The following EMP1 variants were observed in gnomAD, a reference collection of about 807,000 sequenced individuals.
EMP1 encodes tumor-associated membrane protein.
A neutral mutation model predicts 15.7 loss-of-function variants in EMP1; 5 were observed. The ratio of observed to expected loss-of-function variants is 0.32; its 90% confidence interval spans 0.17 to 0.67. EMP1 has a LOEUF of 0.67. Among genes scored for constraint, EMP1 ranks in the 30% least tolerant of loss-of-function variants. The pLI, the probability that EMP1 is intolerant of heterozygous loss-of-function variation, is 0.74. For synonymous variants in EMP1, 78 were observed against 76.7 expected (o/e 1.02, Z -0.09); for missense variants, 166 against 194.2 (o/e 0.85, Z 0.86).
Position 13,216,127 on chromosome 12 carries a change from A to C in EMP1, c.*1436A>C. On this transcript the variant is annotated 3_prime_UTR_variant, in exon 5 of 5. Transcript: ENST00000256951. ...AGCAGGCATTGCTTTGCCCTGGAGC[A>C]GCTATTTTAAGCCATCTCAGATTCT... 2.3e-6 allele frequency: 1 copy of C among 425,954 alleles called. No individual in the cohort carries two copies. Among genetic ancestry groups the C allele is most frequent in the Non-Finnish European group, 4.2e-6 (1 of 236,948 alleles). 26.4% of individuals were successfully genotyped at this position (425,954 alleles called of 1,614,324 possible). A position where few individuals can be genotyped will look rare whatever the true frequency, so the allele number is the denominator to read the frequency against.
intron 4 of EMP1, 109 bp downstream of exon 4, chr12:13,213,930 G>A (rs1864190233): frequency 1.3e-6 from 2 of 1,483,138 alleles, no homozygotes; most frequent in East Asian, 2.3e-5. Context: ...ACTTCCTTGT[G>A]CAATTTTCTC....
chr12:13,213,913 C>A, intron 4 of EMP1, 92 bp downstream of exon 4: 1 of 1,548,636 alleles, frequency 6.5e-7, no homozygotes, highest in Non-Finnish European at 8.8e-7. Context: ...GCACATGGTT[C>A]AGTGAAACTT....
rs890319231 is a variant in EMP1, at chr12:13,219,229, G to A, written c.*4538G>A. 2.6e-5 allele frequency: 4 copies of A among 152,210 alleles called. No individual in the cohort carries two copies. Among genetic ancestry groups the A allele is most frequent in the Non-Finnish European group, 4.4e-5 (3 of 68,054 alleles). The allele number at this position is 152,210 out of a possible 1,614,324, so 9.4% of individuals were successfully genotyped here. A position where few individuals can be genotyped will look rare whatever the true frequency, so the allele number is the denominator to read the frequency against. ...CGGGGCAGGGAGGGCCAGAACACTA[G>A]CATAAGATGTCAATATGTCTATCCA... On this transcript the variant is annotated 3_prime_UTR_variant, in exon 5 of 5. Coordinates refer to ENST00000256951, the MANE Select transcript of EMP1 (RefSeq NM_001423.3).
Position 13,219,085 on chromosome 12 carries a change from A to G in EMP1, c.*4394A>G, listed in dbSNP as rs1047565. 0.48 allele frequency: 72,298 copies of G among 152,102 alleles called. 17,726 individuals carry two copies. Among genetic ancestry groups the G allele is most frequent in the East Asian group, 0.6 (3,077 of 5,168 alleles). 9.4% of individuals were successfully genotyped at this position (152,102 alleles called of 1,614,324 possible). On this transcript the variant is annotated 3_prime_UTR_variant, in exon 5 of 5. Coordinates refer to ENST00000256951, the MANE Select transcript of EMP1 (RefSeq NM_001423.3). ...TTGTTCCAGGGCCTCCTTGTCTTCC[A>G]TCTGGGGAACTGGAGGTGAGAAGCA...
chr12:13,202,249 T>C (rs974261118), intron 1 of EMP1, among the ~76,000 whole-genome samples: 1 of 152,218 alleles, frequency 6.6e-6, no homozygotes, highest in African/African-American at 2.4e-5. Flanking sequence ...TGAAGAATCT[T>C]TTGTCGCATT....
chr12:13,207,090 G>A (rs941020817), intron 1 of EMP1, among the ~76,000 whole-genome samples: 1 of 152,010 alleles, frequency 6.6e-6, no homozygotes, highest in Admixed American at 6.6e-5. Flanking sequence ...CTATAGTCAC[G>A]AGCAATTTTA....
intron 2 of EMP1, among the ~76,000 whole-genome samples, chr12:13,213,125 T>C (rs747854133): frequency 2.0e-5 from 3 of 152,246 alleles, no homozygotes; most frequent in Admixed American, 6.5e-5. Context: ...GAACTGCACA[T>C]ACCTAAGCCA....
chr12:13,197,112 T>C (rs1864021693), intron 1 of EMP1, among the ~76,000 whole-genome samples: 1 of 152,162 alleles, frequency 6.6e-6, no homozygotes, highest in South Asian at 2.1e-4. Flanking sequence ...ATCAATGGGA[T>C]GGGGCTAAAA....
Position 13,218,178 on chromosome 12 carries a change from A to G in EMP1, c.*3487A>G, listed in dbSNP as rs1406621779. ...AAACTTGAGTTATCAAATGGTTAAT[A>G]GATAAAGATCCCACTCTGCCTTGGA... On this transcript the variant is annotated 3_prime_UTR_variant, in exon 5 of 5. Coordinates refer to ENST00000256951, the MANE Select transcript of EMP1 (RefSeq NM_001423.3). The G allele has an allele frequency of 1.3e-5, 2 of 152,224 alleles. No homozygotes were observed. The highest frequency in any genetic ancestry group is 2.1e-4 in the South Asian group (1 of 4,834). 9.4% of individuals were successfully genotyped at this position (152,224 alleles called of 1,614,324 possible).
In EMP1 at chr12:13,217,817, TATAA is replaced by T. The variant is rs1342649867; in HGVS notation, c.*3136_*3139del. ...ATTCGCGTGTGTGTGCAAACATATA[TATAA>T]ATAAATAAAAATATATTTATTTTAA... On this transcript the variant is annotated 3_prime_UTR_variant, in exon 5 of 5. Coordinates refer to ENST00000256951, the MANE Select transcript of EMP1 (RefSeq NM_001423.3). 6.6e-6 allele frequency: 1 copy of T among 152,102 alleles called. No individual in the cohort carries two copies. Among genetic ancestry groups the T allele is most frequent in the Non-Finnish European group, 1.5e-5 (1 of 68,014 alleles). The allele number at this position is 152,102 out of a possible 1,614,324, so 9.4% of individuals were successfully genotyped here. A position where few individuals can be genotyped will look rare whatever the true frequency, so the allele number is the denominator to read the frequency against.
chr12:13,210,433 C>T (rs1377253609), intron 1 of EMP1, among the ~76,000 whole-genome samples: 1 of 152,174 alleles, frequency 6.6e-6, no homozygotes, highest in Non-Finnish European at 1.5e-5. Context: ...GAATAGCCTC[C>T]CCCATGTGTA....
Position 13,216,368 on chromosome 12 carries a change from A to G in EMP1, c.*1677A>G, listed in dbSNP as rs919644625. 12 of 702,062 alleles carry G rather than the reference A, an allele frequency of 1.7e-5. No individual in the cohort carries two copies. Among genetic ancestry groups the G allele is most frequent in the Non-Finnish European group, 3.1e-5 (12 of 384,676 alleles). The allele number at this position is 702,062 out of a possible 1,614,324, so 43.5% of individuals were successfully genotyped here. A position where few individuals can be genotyped will look rare whatever the true frequency, so the allele number is the denominator to read the frequency against. ...CTATTTCTCTATGTTTATTCTAGTT[A>G]AGGAAATGTTGAGGGCAAGCCACCA... On this transcript the variant is annotated 3_prime_UTR_variant, in exon 5 of 5. Coordinates refer to ENST00000256951, the MANE Select transcript of EMP1 (RefSeq NM_001423.3).
At position 13,211,692 on chromosome 12, in the gene EMP1, T is replaced by A. The variant is rs1245108705; in HGVS notation, c.78+104T>A. 14 of 1,277,740 alleles carry A rather than the reference T, an allele frequency of 1.1e-5. No homozygotes were observed. Among genetic ancestry groups the A allele is most frequent in the Non-Finnish European group, 1.1e-6 (1 of 893,276 alleles). 79.2% of individuals were successfully genotyped at this position (1,277,740 alleles called of 1,614,324 possible). On this transcript the variant is annotated intron_variant, in intron 2 of 4. Transcript: ENST00000256951. This position sits in a 1 kb window ranked among gnomAD's most constrained non-coding sequence, Gnocchi z 4.7. ...GCCACAGCCCTTGCCCTTCATGAACTTACAGCTCAGTTGTGGGAAAACAAA... is the reference window on the plus strand; with the variant it reads ...GCCACAGCCCTTGCCCTTCATGAACATACAGCTCAGTTGTGGGAAAACAAA...
chr12:13,209,837 G>A (rs1048660165), intron 1 of EMP1, among the ~76,000 whole-genome samples: 5 of 152,184 alleles, frequency 3.3e-5, no homozygotes, highest in South Asian at 2.1e-4. Context: ...TTGAATGTGT[G>A]GGGGGATTAC....
chr12:13,204,098 C>T (rs1335476551), intron 1 of EMP1, among the ~76,000 whole-genome samples: 3 of 152,152 alleles, frequency 2.0e-5, no homozygotes, highest in African/African-American at 4.8e-5. Context: ...GCTTGATTGA[C>T]GATGTTTCTC....
intron 1 of EMP1, among the ~76,000 whole-genome samples, chr12:13,210,731 C>G (rs1017302184): frequency 6.6e-6 from 1 of 152,224 alleles, no homozygotes; most frequent in African/African-American, 2.4e-5. Flanking sequence ...AAATATGACT[C>G]TCTGCCCAGA....
At chr12:13,197,115 G>A (rs1199594936) in intron 1 of EMP1, among the ~76,000 whole-genome samples, 1 of 152,188 alleles carries the variant, frequency 6.6e-6, no homozygotes, top group Admixed American at 6.5e-5. Flanking sequence ...AATGGGATGG[G>A]GCTAAAATCG....
At chr12:13,212,117 G>C (rs150079077) in intron 2 of EMP1, among the ~76,000 whole-genome samples, 1 of 152,298 alleles carries the variant, frequency 6.6e-6, no homozygotes, top group East Asian at 1.9e-4. Flanking sequence ...ATGCCAGACT[G>C]ACAAATTCAA....
chr12:13,202,238 G>T (rs577662349), intron 1 of EMP1, among the ~76,000 whole-genome samples: 4 of 152,216 alleles, frequency 2.6e-5, no homozygotes, highest in Non-Finnish European at 5.9e-5. Context: ...TTTGTCCCCT[G>T]TGAAGAATCT....
Sources: allele counts gnomAD v4.1 joint callset (sites outside exome capture counted in the v4.1 genomes callset), GRCh38; gene constraint gnomAD v4.1.1; non-coding constraint Gnocchi (gnomAD v3.1); transcripts MANE v1.5; gene names NCBI Gene and HGNC (gene_info 2026-07-23, HGNC 2026-07-21).